B9D2: variants seen among roughly 807,000 people sequenced by gnomAD.
B9D2 encodes the protein B9 domain containing 2.
Under a neutral mutation model 19.2 loss-of-function variants are expected in B9D2, and 21 were observed. The ratio of observed to expected loss-of-function variants is 1.09; its 90% confidence interval spans 0.78 to 1.58. The LOEUF (loss-of-function observed/expected upper bound fraction) is 1.58. Among genes scored for constraint, B9D2 ranks in the 40% most tolerant of loss-of-function variants. The probability of loss-of-function intolerance (pLI) is 0.00; values close to 1 mark genes in which losing one functional copy is unlikely to be tolerated. For synonymous variants in B9D2, 91 were observed against 100.6 expected, an observed-to-expected ratio of 0.90 and a Z score of 0.57; for missense variants, 221 against 244.3, an observed-to-expected ratio of 0.90 and a Z score of 0.64.
At chr19:41,361,600 C>T (rs1161711289) in intron 2 of B9D2, among the ~76,000 whole-genome samples, 2 of 147,544 alleles carry the variant, frequency 1.4e-5, no homozygotes, top group African/African-American at 2.5e-5. Context: ...CCAGCCTGGC[C>T]GACATGGTGA....
At position 41,354,420 on chromosome 19, in the gene B9D2, G is replaced by C. The variant is rs746509460; in HGVS notation, c.*280C>G. 3 of 600,408 alleles carry C rather than the reference G, an allele frequency of 5.0e-6. No homozygotes were observed. The highest frequency in any genetic ancestry group is 1.9e-5 in the African/African-American group (1 of 53,908). The allele number at this position is 600,408 out of a possible 1,614,324, so 37.2% of individuals were successfully genotyped here. A position where few individuals can be genotyped will look rare whatever the true frequency, so the allele number is the denominator to read the frequency against. The stretch of plus-strand genomic sequence containing the variant: ...TGGAAGGGTCAGGAGGCAGACACCT[G>C]TAAGAATTGCTCTCCTTTACTGAGC... On this transcript the variant is annotated 3_prime_UTR_variant, in exon 4 of 4. Coordinates refer to ENST00000243578, the MANE Select transcript of B9D2 (RefSeq NM_030578.4).
chr19:41,362,654 G>A (rs1023650318), intron 2 of B9D2, among the ~76,000 whole-genome samples: 5 of 152,152 alleles, frequency 3.3e-5, no homozygotes, highest in African/African-American at 1.2e-4. Context: ...GTACAAACAA[G>A]GAAGTCGAGG....
At chr19:41,355,242 T>C (rs1453214019) in intron 3 of B9D2, among the ~76,000 whole-genome samples, 1 of 152,166 alleles carries the variant, frequency 6.6e-6, no homozygotes, top group Non-Finnish European at 1.5e-5. Context: ...CTGCTAAGGA[T>C]CCTTCCATAG....
chr19:41,358,654 G>A (rs1463389540), intron 2 of B9D2, among the ~76,000 whole-genome samples: 4 of 152,094 alleles, frequency 2.6e-5, no homozygotes, highest in Admixed American at 6.6e-5. Flanking sequence ...CTCCAGGAGC[G>A]CATCCTGAAA....
chr19:41,363,404 T>C (rs777460246), intron 2 of B9D2, 28 bp downstream of exon 2: 1 of 1,610,504 alleles, frequency 6.2e-7, no homozygotes, highest in South Asian at 1.1e-5. Context: ...GGTCTTGGTG[T>C]GGAAATGAAC....
chr19:41,363,282 G>C, intron 2 of B9D2, 150 bp downstream of exon 2: 1 of 777,438 alleles, frequency 1.3e-6, no homozygotes, highest in Non-Finnish European at 2.2e-6. Flanking sequence ...GGGAGCTTGA[G>C]ACTCATGTGG....
At chr19:41,361,618 T>G (rs1335189937) in intron 2 of B9D2, among the ~76,000 whole-genome samples, 1 of 145,440 alleles carries the variant, frequency 6.9e-6, no homozygotes, top group African/African-American at 2.6e-5. Context: ...TGAAACCCCA[T>G]CTCTACTAAA....
At position 41,354,613 on chromosome 19, in the gene B9D2, G is replaced by A. The variant is rs4987025; in HGVS notation, c.*87C>T. On this transcript the variant is annotated 3_prime_UTR_variant, in exon 4 of 4. Coordinates refer to ENST00000243578, the MANE Select transcript of B9D2 (RefSeq NM_030578.4). ...CTGGGGTCAGCTCTGACAGTCTCTA[G>A]AGTCTGTGCTCTTGACCACTGTGCC... The A allele has an allele frequency of 4.5e-3, 6,969 of 1,542,248 alleles. 27 individuals are homozygous for A. The highest frequency in any genetic ancestry group is 5.6e-3 in the Non-Finnish European group (6,314 of 1,121,234).
At chr19:41,363,833 C>A (rs2038458130) in intron 1 of B9D2, 125 bp downstream of exon 1, 1 of 538,810 alleles carries the variant, frequency 1.9e-6, no homozygotes, top group South Asian at 2.1e-5. Flanking sequence ...GCGCAAAAGA[C>A]CCGCCTTCCG....
intron 3 of B9D2, among the ~76,000 whole-genome samples, chr19:41,356,661 T>C: frequency 6.6e-6 from 1 of 151,620 alleles, no homozygotes; most frequent in East Asian, 1.9e-4. Flanking sequence ...CTGACCACCT[T>C]GGTGAAACGC....
Position 41,363,554 on chromosome 19 carries a change from G to C in B9D2, c.-4-31C>G, listed in dbSNP as rs2038449958. ...AGGGGAAAAATATAATCACAACCCTGTGAGGTAAGTGTATTATCTCCATTT... is the reference window on the plus strand; with the variant it reads ...AGGGGAAAAATATAATCACAACCCTCTGAGGTAAGTGTATTATCTCCATTT... On this transcript the variant is annotated intron_variant, in intron 1 of 3. Coordinates refer to ENST00000243578, the MANE Select transcript of B9D2 (RefSeq NM_030578.4). 6.3e-6 allele frequency: 10 copies of C among 1,586,908 alleles called. No individual in the cohort carries two copies. The East Asian group carries it at 2.2e-4, about 36-fold the overall frequency.
intron 2 of B9D2, among the ~76,000 whole-genome samples, chr19:41,358,981 C>A (rs2038360792): frequency 6.6e-6 from 1 of 151,950 alleles, no homozygotes; most frequent in South Asian, 2.1e-4. Flanking sequence ...CTCGTCTCTA[C>A]TAAAAATACA....
At chr19:41,355,359 T>A (rs144899065) in intron 3 of B9D2, among the ~76,000 whole-genome samples, 1 of 152,288 alleles carries the variant, frequency 6.6e-6, no homozygotes, top group East Asian at 1.9e-4. Context: ...CATGACCCCA[T>A]GTCAGGGCAG....
chr19:41,357,147 T>A (rs928093887), intron 3 of B9D2, among the ~76,000 whole-genome samples: 3 of 152,122 alleles, frequency 2.0e-5, no homozygotes, highest in Admixed American at 6.6e-5. Flanking sequence ...CAGGAAGCCC[T>A]CTCTGACCTC....
chr19:41,361,585 C>T (rs975873330), intron 2 of B9D2, among the ~76,000 whole-genome samples: 3 of 149,138 alleles, frequency 2.0e-5, no homozygotes, highest in East Asian at 2.0e-4. Context: ...GCCAGGAGTT[C>T]GAGACCAGCC....
intron 2 of B9D2, 136 bp from the exon 3 acceptor site, chr19:41,358,158 G>C (rs2038346880): frequency 1.5e-6 from 2 of 1,351,624 alleles, no homozygotes; most frequent in East Asian, 5.0e-5. Context: ...CAAGTATCTG[G>C]GTTCAAATCC....
In B9D2 at chr19:41,355,035, G is replaced by A; in HGVS notation, c.215-22C>T. ...CAGCCTGCAGGAAAGGAGAGAGAGG[G>A]GAAAGGAGGGATGGGTGGGGACCAG... On this transcript the variant is annotated intron_variant, in intron 3 of 3. Transcript: ENST00000243578. 1.9e-6 allele frequency: 3 copies of A among 1,552,822 alleles called. No individual in the cohort carries two copies. The South Asian group carries it at 3.6e-5, about 19-fold the overall frequency.
intron 2 of B9D2, among the ~76,000 whole-genome samples, chr19:41,359,064 G>C (rs550929465): frequency 6.6e-6 from 1 of 152,070 alleles, no homozygotes; most frequent in African/African-American, 2.4e-5. Flanking sequence ...AGAATCGCTG[G>C]AAAAGCTGCA....
At chr19:41,359,635 G>T (rs140339965) in intron 2 of B9D2, among the ~76,000 whole-genome samples, 1 of 151,838 alleles carries the variant, frequency 6.6e-6, no homozygotes, top group African/African-American at 2.4e-5. Flanking sequence ...CCCAGGAGGC[G>T]GAGGTTGCAG....
Sources: gnomAD v4.1 joint callset for allele counts (sites outside exome capture counted in the v4.1 genomes callset) on GRCh38, gnomAD v4.1.1 for gene constraint, MANE v1.5 for transcripts, NCBI Gene and HGNC (gene_info 2026-07-23, HGNC 2026-07-21) for gene names.